OCM2: variants seen among roughly 807,000 people sequenced by gnomAD.
The protein encoded by OCM2 is oncomodulin-2.
Under a neutral mutation model 13.6 loss-of-function variants are expected in OCM2, and 6 were observed. The ratio of observed to expected loss-of-function variants is 0.44; its 90% CI spans 0.24 to 0.87. OCM2 has a LOEUF of 0.87. Ranked by LOEUF, OCM2 falls within the 40% of genes least tolerant of loss-of-function variation. The probability of loss-of-function intolerance (pLI) is 0.22; values close to 1 mark genes in which losing one functional copy is unlikely to be tolerated. For synonymous variants in OCM2, 40 were observed against 50.7 expected (o/e 0.79, Z 0.90); for missense variants, 118 against 136.8 (o/e 0.86, Z 0.68).
chr7:97,990,169 G>A (rs1251249615), exon 1 of OCM2: 50 of 1,485,710 alleles, frequency 3.4e-5, no homozygotes, highest in Non-Finnish European at 4.5e-5. Context: ...TGCACATCCA[G>A]GGGAAACACA....
intron 3 of OCM2, among the ~76,000 whole-genome samples, chr7:97,986,591 A>G (rs1182342233): frequency 1.3e-5 from 2 of 152,206 alleles, no homozygotes; most frequent in Non-Finnish European, 2.9e-5. Context: ...CTAATGTCCA[A>G]TAAAATATAT....
At chr7:97,985,771 C>G (rs1240798351) in intron 3 of OCM2, among the ~76,000 whole-genome samples, 2 of 152,146 alleles carry the variant, frequency 1.3e-5, no homozygotes, top group Non-Finnish European at 2.9e-5. Context: ...GAACCAAACT[C>G]CAAAAGTTTC....
chr7:97,985,008 G>A, intron 3 of OCM2, 25 bp from the exon 4 acceptor site: 1 of 1,614,066 alleles, frequency 6.2e-7, no homozygotes, highest in South Asian at 1.1e-5. Context: ...GTGAGAACAG[G>A]GTCAGTGGAG....
chr7:97,990,015 A>AGGCCACCC, intron 1 of OCM2, 29 bp downstream of exon 1: 1 of 780,802 alleles, frequency 1.3e-6, no homozygotes, highest in Non-Finnish European at 2.2e-6. Context: ...CTGTGAGGAA[A>AGGCCACCC]TCCCACCCCC....
In OCM2 at chr7:97,988,299, G is replaced by C. The variant is rs1251739996; in HGVS notation, c.194+117C>G. The C allele has an allele frequency of 2.3e-6, 3 of 1,297,776 alleles. No homozygotes were observed. In the African/African-American group the frequency reaches 4.5e-5, roughly 19 times the overall value. 80.4% of individuals were successfully genotyped at this position (1,297,776 alleles called of 1,614,324 possible). ...ATGTCCTTTGCTTTAATGATGCTTGGCCGAATGACCAACACCAAGGCTGGC... is the reference window on the plus strand; with the variant it reads ...ATGTCCTTTGCTTTAATGATGCTTGCCCGAATGACCAACACCAAGGCTGGC... On this transcript the variant is annotated intron_variant, in intron 2 of 3. Coordinates refer to ENST00000257627, the Ensembl canonical transcript of OCM2.
At chr7:97,988,661 C>T (rs1484923987) in intron 1 of OCM2, 113 bp from the exon 2 acceptor site, 47 of 1,400,090 alleles carry the variant, frequency 3.4e-5, no homozygotes, top group Middle Eastern at 1.8e-4. Flanking sequence ...CCCTGAGCTA[C>T]GGGGATGCTC....
intron 1 of OCM2, 70 bp downstream of exon 1, chr7:97,989,974 G>T: frequency 6.5e-7 from 1 of 1,540,422 alleles, no homozygotes; most frequent in Non-Finnish European, 9.0e-7. Flanking sequence ...CCTACATTTT[G>T]ATTTTGTGTT....
At chr7:97,989,648 TC>T (rs1794711381) in intron 1 of OCM2, among the ~76,000 whole-genome samples, 1 of 150,716 alleles carries the variant, frequency 6.6e-6, no homozygotes, top group African/African-American at 2.4e-5. Context: ...GCTCAAACAG[TC>T]CTCTCACCTT....
intron 3 of OCM2, 123 bp downstream of exon 3, chr7:97,986,924 C>T: frequency 1.4e-6 from 2 of 1,479,360 alleles, no homozygotes; most frequent in Non-Finnish European, 9.1e-7. Flanking sequence ...GATGAGAAGA[C>T]TGAGGCTCGG....
chr7:97,984,981 A>T lies in OCM2; in HGVS notation c.307T>A (p.Phe103Ile), dbSNP rs778627272. The T allele has an allele frequency of 3.1e-6, 5 of 1,613,992 alleles. No individual in the cohort carries two copies. In the Admixed American group the frequency reaches 5.0e-5, roughly 16 times the overall value. ...TTTTAAGAATGCACCATTTCCTGGA[A>T]TTCTAGAACAGAAGAGGTGAGAACA... Residue 103 changes from phenylalanine (F) to isoleucine (I), a missense_variant and splice_region_variant, in exon 4 of 4, where the codon TTC becomes ATC. Physicochemically the swap from Phe to Ile is conservative, Grantham distance 21 (BLOSUM62 0). Coordinates refer to ENST00000257627, the Ensembl canonical transcript of OCM2.
rs1217662186 is a variant in OCM2 at position 97,988,562 on chromosome 7, A to G, written c.62-14T>C. 3 of 1,614,152 alleles carry G rather than the reference A, an allele frequency of 1.9e-6. No homozygotes were observed. In the East Asian group the frequency reaches 6.7e-5, roughly 36 times the overall value. On this transcript the variant is annotated splice_polypyrimidine_tract_variant and intron_variant, in intron 1 of 3. Coordinates refer to ENST00000257627, the Ensembl canonical transcript of OCM2. ...AAGTGTCTGGGTCTGAAGAACAGAG[A>G]ATGGGTTATTCTGACACTCATTGGA... is the stretch of plus-strand genomic sequence containing the variant.
chr7:97,985,043 C>T lies in OCM2; in HGVS notation c.305-60G>A, dbSNP rs561324149. On this transcript the variant is annotated intron_variant, in intron 3 of 3. Coordinates refer to ENST00000257627, the Ensembl canonical transcript of OCM2. ...GGTGGCTTCGTTCTTTACAGACATGCCGTGGCCAGTGAGAATTCCAAAGAG... is the reference window on the plus strand; with the variant it reads ...GGTGGCTTCGTTCTTTACAGACATGTCGTGGCCAGTGAGAATTCCAAAGAG... The T allele has an allele frequency of 1.3e-5, 21 of 1,611,654 alleles. No homozygotes were observed. The East Asian group carries it at 4.2e-4, about 33-fold the overall frequency.
At chr7:97,988,572 T>G in intron 1 of OCM2, 24 bp from the exon 2 acceptor site, 1 of 1,614,026 alleles carries the variant, frequency 6.2e-7, no homozygotes, top group Non-Finnish European at 8.5e-7. Context: ...AATGGGTTAT[T>G]CTGACACTCA....
At chr7:97,987,403 T>C (rs532162978) in intron 2 of OCM2, among the ~76,000 whole-genome samples, 1 of 149,566 alleles carries the variant, frequency 6.7e-6, no homozygotes, top group Admixed American at 6.7e-5. Flanking sequence ...TGGAATGCAG[T>C]GATACCATCA....
chr7:97,986,778 A>G (rs1794676404), intron 3 of OCM2, among the ~76,000 whole-genome samples: 1 of 152,164 alleles, frequency 6.6e-6, no homozygotes, highest in African/African-American at 2.4e-5. Flanking sequence ...GTAGCTAGCT[A>G]GTCCCCTAGT....
chr7:97,987,198 G>A lies in OCM2; in HGVS notation c.195-42C>T, dbSNP rs114833467. The stretch of plus-strand genomic sequence containing the variant: ...ATCCATGGGGATTTTCAAAAAGGTC[G>A]TGCATCCCTGTGTTTAGACTTTTGT... On this transcript the variant is annotated intron_variant, in intron 2 of 3. Coordinates refer to ENST00000257627, the Ensembl canonical transcript of OCM2. 4.1e-4 allele frequency: 654 copies of A among 1,610,342 alleles called. 2 individuals carry two copies. The highest frequency in any genetic ancestry group is 2.6e-3 in the African/African-American group (193 of 74,958).
chr7:97,985,418 C>CAAAAAAAA (rs60506626), intron 3 of OCM2, among the ~76,000 whole-genome samples: 2 of 89,678 alleles, frequency 2.2e-5, no homozygotes, highest in Non-Finnish European at 2.2e-5. Flanking sequence ...GACTCCATCT[C>CAAAAAAAA]AAAAAAAAAA....
chr7:97,990,016 T>TGGCCCCCCCCCC, intron 1 of OCM2, 28 bp downstream of exon 1: 1 of 1,083,838 alleles, frequency 9.2e-7, no homozygotes, highest in Non-Finnish European at 1.4e-6. Flanking sequence ...TGTGAGGAAA[T>TGGCCCCCCCCCC]CCCACCCCCG....
chr7:97,988,615 T>C, intron 1 of OCM2, 67 bp from the exon 2 acceptor site: 1 of 1,590,134 alleles, frequency 6.3e-7, no homozygotes, highest in African/African-American at 1.3e-5. Flanking sequence ...GCCAAGGTAC[T>C]GAAAACACAG....
Sources: allele counts gnomAD v4.1 joint callset (sites outside exome capture counted in the v4.1 genomes callset), GRCh38; gene constraint gnomAD v4.1.1; transcripts MANE v1.5; gene names NCBI Gene and HGNC (gene_info 2026-07-23, HGNC 2026-07-21).